Variants in CDK19 observed in about 807,000 individuals in gnomAD.
CDK19 encodes cyclin-dependent kinase 19.
In CDK19, 20 loss-of-function variants were observed where a neutral mutation model predicts 68.3. That is an observed-to-expected ratio of 0.29 (90% CI 0.21 to 0.43). CDK19 has a LOEUF of 0.43. Ranked by LOEUF, CDK19 falls within the 20% of genes least tolerant of loss-of-function variation. The pLI is 1.00. For synonymous variants in CDK19, 221 were observed against 222.8 expected, an observed-to-expected ratio of 0.99 and a Z score of 0.07; for missense variants, 339 against 623.5, an observed-to-expected ratio of 0.54 and a Z score of 4.86.
intron 2 of CDK19, among the ~76,000 whole-genome samples, chr6:110,737,385 G>A (rs1227694649): frequency 6.6e-6 from 1 of 152,066 alleles, no homozygotes; most frequent in African/African-American, 2.4e-5. Context: ...GGCAATAATC[G>A]GTGTTTAAAT....
chr6:110,614,452 G>A lies in CDK19; in HGVS notation c.*83C>T. 7.4e-7 allele frequency: 1 copy of A among 1,356,998 alleles called. No individual in the cohort carries two copies. The highest frequency in any genetic ancestry group is 1.0e-6 in the Non-Finnish European group (1 of 974,766). 84.1% of individuals were successfully genotyped at this position (1,356,998 alleles called of 1,614,324 possible). ...TGAGTTTTAAATGGCATCATAGTTTGCATTTTTTTGGTTCTTTTCAATGCA... is the reference window on the plus strand; with the variant it reads ...TGAGTTTTAAATGGCATCATAGTTTACATTTTTTTGGTTCTTTTCAATGCA... On this transcript the variant is annotated 3_prime_UTR_variant, in exon 13 of 13. Coordinates refer to ENST00000368911, the MANE Select transcript of CDK19 (RefSeq NM_015076.5).
At chr6:110,802,545 A>G (rs1782414979) in intron 1 of CDK19, among the ~76,000 whole-genome samples, 1 of 152,240 alleles carries the variant, frequency 6.6e-6, no homozygotes, top group Non-Finnish European at 1.5e-5. Flanking sequence ...AACAGAGGAA[A>G]AAGGGTTGAA....
rs1419445309 is a variant in CDK19 at position 110,803,947 on chromosome 6, A to T, written c.128+11062T>A. ...CTGCACCACTTTCAGCCTGGGTGAC[A>T]AGAGCAAGACCCTGTCTCAAGAAAA... is the stretch of plus-strand genomic sequence containing the variant. On this transcript the variant is annotated intron_variant, in intron 1 of 12. Transcript: ENST00000368911. Among the ~76,000 whole-genome samples, 8 of 152,290 alleles carry T rather than the reference A, an allele frequency of 5.3e-5. 1 individual carries two copies. The South Asian group carries it at 1.7e-3, about 32-fold the overall frequency.
At chr6:110,720,683 A>G (rs1775799491) in intron 2 of CDK19, among the ~76,000 whole-genome samples, 1 of 152,034 alleles carries the variant, frequency 6.6e-6, no homozygotes, top group Non-Finnish European at 1.5e-5. Flanking sequence ...TCTGGCCAAC[A>G]TGGTGAAACC....
intron 1 of CDK19, among the ~76,000 whole-genome samples, chr6:110,809,177 T>C (rs975468483): frequency 6.7e-6 from 1 of 149,236 alleles, no homozygotes; most frequent in African/African-American, 2.5e-5. Flanking sequence ...ACTGCGCCAC[T>C]GCACTCCAGC....
intron 1 of CDK19, among the ~76,000 whole-genome samples, chr6:110,781,669 C>A (rs1426224736): frequency 1.3e-5 from 2 of 151,862 alleles, no homozygotes; most frequent in African/African-American, 2.4e-5. Context: ...ATTGTGAAAC[C>A]CCATCTCTAC....
chr6:110,721,946 A>G (rs1775930106), intron 2 of CDK19, among the ~76,000 whole-genome samples: 1 of 152,220 alleles, frequency 6.6e-6, no homozygotes, highest in Non-Finnish European at 1.5e-5. Context: ...CCTGGGCAAC[A>G]GAGTGAGACT....
intron 2 of CDK19, among the ~76,000 whole-genome samples, chr6:110,737,135 A>G (rs940932199): frequency 6.6e-6 from 1 of 152,220 alleles, no homozygotes; most frequent in Non-Finnish European, 1.5e-5. Context: ...ACAGCTAACT[A>G]GTCTATTCCC....
At position 110,706,039 on chromosome 6, in the gene CDK19, C is replaced by A. The variant is rs530085257; in HGVS notation, c.205-35498G>T. Among the ~76,000 whole-genome samples, 10 of 151,892 alleles carry A rather than the reference C, an allele frequency of 6.6e-5. 1 individual carries two copies. The South Asian group carries it at 2.1e-3, about 32-fold the overall frequency. ...ATAATAAAAAAAATCTGGACCTTAA[C>A]CTGTTTTGTTTTCTTGTTTGTTTGT... On this transcript the variant is annotated intron_variant, in intron 2 of 12. Transcript: ENST00000368911.
intron 5 of CDK19, 125 bp from the exon 6 acceptor site, chr6:110,632,286 G>T: frequency 1.5e-6 from 1 of 675,234 alleles, no homozygotes; most frequent in Non-Finnish European, 2.5e-6. Context: ...AACAATAGCT[G>T]CTGACCTTAT....
chr6:110,710,072 A>G (rs960824189), intron 2 of CDK19, among the ~76,000 whole-genome samples: 3 of 152,236 alleles, frequency 2.0e-5, no homozygotes, highest in East Asian at 3.8e-4. Context: ...AGTATGGTAT[A>G]TAACTGGTAG....
chr6:110,790,520 G>C (rs935875592), intron 1 of CDK19, among the ~76,000 whole-genome samples: 1 of 151,998 alleles, frequency 6.6e-6, no homozygotes, highest in African/African-American at 2.4e-5. Flanking sequence ...GGGTGACAGA[G>C]CAAGACTCTG....
chr6:110,645,207 C>T (rs1780473758), intron 4 of CDK19, among the ~76,000 whole-genome samples: 1 of 152,132 alleles, frequency 6.6e-6, no homozygotes. Flanking sequence ...CATATACTAG[C>T]AGGTCTCAAG....
intron 4 of CDK19, chr6:110,643,159 C>T (rs1780316694): frequency 8.6e-6 from 11 of 1,278,998 alleles, no homozygotes; most frequent in Non-Finnish European, 1.1e-5. Context: ...CAGTAGAAGC[C>T]AAAGCAAACC....
At chr6:110,809,780 T>C (rs138594439) in intron 1 of CDK19, among the ~76,000 whole-genome samples, 2 of 152,338 alleles carry the variant, frequency 1.3e-5, no homozygotes, top group East Asian at 3.9e-4. Context: ...TAATTTTGTG[T>C]ATTATGTGAC....
intron 2 of CDK19, among the ~76,000 whole-genome samples, chr6:110,729,766 C>T (rs1040167386): frequency 6.6e-6 from 1 of 151,882 alleles, no homozygotes; most frequent in Non-Finnish European, 1.5e-5. Flanking sequence ...CTAGGTCTTG[C>T]TATGTTGCCC....
intron 1 of CDK19, among the ~76,000 whole-genome samples, chr6:110,765,833 G>A (rs906958404): frequency 1.3e-5 from 2 of 151,946 alleles, no homozygotes; most frequent in East Asian, 1.9e-4. Flanking sequence ...TACAAATGAC[G>A]AACAGGTATA....
In CDK19 at chr6:110,780,775, G is replaced by A. The variant is rs1485433194; in HGVS notation, c.128+34234C>T. On this transcript the variant is annotated intron_variant, in intron 1 of 12. Coordinates refer to ENST00000368911, the MANE Select transcript of CDK19 (RefSeq NM_015076.5). ...AAGAATGTTCCAAGGTACTATGAGT[G>A]CAAAGGAGGAGTATCATGGACATTT... Among the ~76,000 whole-genome samples the A allele has an allele frequency of 2.6e-5, 4 of 152,026 alleles. No individual in the cohort carries two copies. In the East Asian group the frequency reaches 7.7e-4, roughly 29 times the overall value.
At chr6:110,646,673 G>A (rs1309459567) in intron 4 of CDK19, 7 of 478,584 alleles carry the variant, frequency 1.5e-5, no homozygotes, top group Non-Finnish European at 2.5e-5. Context: ...TTTGCTATAT[G>A]TCTCTCTGGG....
Sources: allele counts gnomAD v4.1 joint callset (sites outside exome capture counted in the v4.1 genomes callset), GRCh38; gene constraint gnomAD v4.1.1; transcripts MANE v1.5; gene names NCBI Gene and HGNC (gene_info 2026-07-23, HGNC 2026-07-21).